GRK5: variants seen among roughly 807,000 people sequenced by gnomAD.
GRK5 encodes the protein G protein-coupled receptor kinase 5.
A neutral mutation model predicts 78.4 loss-of-function variants in GRK5; 40 were observed. The ratio of observed to expected loss-of-function variants is 0.51; its 90% confidence interval spans 0.40 to 0.66. GRK5 has a LOEUF of 0.66. Ranked by LOEUF, GRK5 falls within the 30% of genes least tolerant of loss-of-function variation. The pLI is 0.00. For synonymous variants in GRK5, 289 were observed against 296.8 expected, an observed-to-expected ratio of 0.97 and a Z score of 0.27; for missense variants, 598 against 759.9, an observed-to-expected ratio of 0.79 and a Z score of 2.50.
At chr10:119,417,053 G>A (rs1196667662) in intron 4 of GRK5, among the ~76,000 whole-genome samples, 1 of 152,222 alleles carries the variant, frequency 6.6e-6, no homozygotes, top group Non-Finnish European at 1.5e-5. Flanking sequence ...GGAGCATAGG[G>A]AAGCAATGGC....
chr10:119,306,371 C>T (rs1850272203), intron 1 of GRK5, among the ~76,000 whole-genome samples: 1 of 152,182 alleles, frequency 6.6e-6, no homozygotes, highest in African/African-American at 2.4e-5. Flanking sequence ...GAGCAAGCTT[C>T]CTGTGTGCTT....
At chr10:119,216,922 G>A (rs759861806) in intron 1 of GRK5, among the ~76,000 whole-genome samples, 10 of 151,956 alleles carry the variant, frequency 6.6e-5, no homozygotes, top group South Asian at 2.1e-4. Context: ...GCGAAACTCC[G>A]TCTAAAAGGT....
chr10:119,393,613 C>T (rs1851922355), intron 3 of GRK5, among the ~76,000 whole-genome samples: 1 of 152,230 alleles, frequency 6.6e-6, no homozygotes, highest in Non-Finnish European at 1.5e-5. Flanking sequence ...GGACCAACGG[C>T]GGGCTGTCCA....
At chr10:119,358,897 C>T (rs947677960) in intron 2 of GRK5, among the ~76,000 whole-genome samples, 2 of 152,096 alleles carry the variant, frequency 1.3e-5, no homozygotes, top group Admixed American at 6.5e-5. Context: ...TGTCCTTGCC[C>T]GGCCTTTCCT....
At chr10:119,262,474 G>T (rs1274013260) in intron 1 of GRK5, among the ~76,000 whole-genome samples, 1 of 151,534 alleles carries the variant, frequency 6.6e-6, no homozygotes, top group Non-Finnish European at 1.5e-5. Context: ...GAGTAGCTGG[G>T]ACTACAGGTG....
At chr10:119,244,489 C>A (rs1320872417) in intron 1 of GRK5, among the ~76,000 whole-genome samples, 1 of 152,220 alleles carries the variant, frequency 6.6e-6, no homozygotes, top group African/African-American at 2.4e-5. Flanking sequence ...AAAAGATGCT[C>A]AATATCACTA....
intron 1 of GRK5, among the ~76,000 whole-genome samples, chr10:119,297,522 A>G (rs1589729001): frequency 1.3e-5 from 2 of 152,230 alleles, no homozygotes; most frequent in East Asian, 3.8e-4. Flanking sequence ...TGTGATTGCC[A>G]TTGCGATGAT....
At chr10:119,427,244 T>C (rs1852704397) in intron 6 of GRK5, among the ~76,000 whole-genome samples, 1 of 49,884 alleles carries the variant, frequency 2.0e-5, no homozygotes, top group Non-Finnish European at 4.0e-5. Context: ...ACCACCATCA[T>C]CAGCATCATC....
chr10:119,455,852 C>T lies in GRK5; in HGVS notation c.*785C>T, dbSNP rs931133024. 4 of 154,734 alleles carry T rather than the reference C, an allele frequency of 2.6e-5. No individual in the cohort carries two copies. Among genetic ancestry groups the T allele is most frequent in the African/African-American group, 9.6e-5 (4 of 41,488 alleles). The allele number at this position is 154,734 out of a possible 1,614,324, so 9.6% of individuals were successfully genotyped here. On this transcript the variant is annotated 3_prime_UTR_variant, in exon 16 of 16. Coordinates refer to ENST00000392870, the MANE Select transcript of GRK5 (RefSeq NM_005308.3). ...CCACTGTCGCACCCACCTCTGTCTG[C>T]TCTTCCTTCAGGAAGGCGGCTGGCA...
chr10:119,389,833 C>CA (rs903983800), intron 3 of GRK5, among the ~76,000 whole-genome samples: 2 of 139,488 alleles, frequency 1.4e-5, no homozygotes, highest in African/African-American at 5.3e-5. Context: ...CACACACACA[C>CA]ACACCCAACA....
intron 6 of GRK5, among the ~76,000 whole-genome samples, chr10:119,428,287 A>G (rs1852743411): frequency 6.6e-6 from 1 of 152,220 alleles, no homozygotes; most frequent in Admixed American, 6.5e-5. Flanking sequence ...TTGAAGCCTC[A>G]GCGTTCTCAT....
intron 5 of GRK5, among the ~76,000 whole-genome samples, chr10:119,423,885 G>A (rs1057209826): frequency 6.6e-6 from 1 of 152,110 alleles, no homozygotes; most frequent in African/African-American, 2.4e-5. Context: ...TGATCTTAGG[G>A]GCTTTTTGTG....
chr10:119,320,467 G>A (rs1850565934), intron 1 of GRK5, among the ~76,000 whole-genome samples: 1 of 152,208 alleles, frequency 6.6e-6, no homozygotes, highest in African/African-American at 2.4e-5. Context: ...TGAGAGAATG[G>A]ATCTGTAAGC....
At chr10:119,332,623 T>C (rs1305013372) in intron 2 of GRK5, among the ~76,000 whole-genome samples, 4 of 152,248 alleles carry the variant, frequency 2.6e-5, no homozygotes, top group Non-Finnish European at 5.9e-5. Flanking sequence ...CCCCAGTCCA[T>C]GGACTCTCTA....
intron 1 of GRK5, among the ~76,000 whole-genome samples, chr10:119,209,393 C>G (rs1848444114): frequency 1.3e-5 from 2 of 152,030 alleles, no homozygotes; most frequent in Non-Finnish European, 2.9e-5. Context: ...TAGTCTCCCT[C>G]CCATTGCTTA....
chr10:119,231,415 A>G (rs1848826936), intron 1 of GRK5, among the ~76,000 whole-genome samples: 1 of 152,096 alleles, frequency 6.6e-6, no homozygotes, highest in Admixed American at 6.6e-5. Flanking sequence ...GGCCAATAAA[A>G]AGTGCTGAGG....
At chr10:119,334,511 C>T (rs1404294916) in intron 2 of GRK5, 1 of 152,100 alleles carries the variant, frequency 6.6e-6, no homozygotes, top group Non-Finnish European at 1.5e-5. Flanking sequence ...CATGGGAGAT[C>T]ATTAGAGAGC....
intron 1 of GRK5, among the ~76,000 whole-genome samples, chr10:119,220,804 C>A (rs902074195): frequency 2.0e-5 from 3 of 147,416 alleles, no homozygotes; most frequent in African/African-American, 7.6e-5. Flanking sequence ...CACTGCACTC[C>A]AGCCTGGGTG....
At position 119,392,275 on chromosome 10, in the gene GRK5, A is replaced by G. The variant is rs187178691; in HGVS notation, c.262-4420A>G. Among the ~76,000 whole-genome samples the G allele has an allele frequency of 3.9e-3, 597 of 152,324 alleles. 2 individuals carry two copies. Among genetic ancestry groups the G allele is most frequent in the Non-Finnish European group, 4.1e-3 (280 of 68,028 alleles). ...AGTCTGCATTTTGTGTTAGAGCAGC[A>G]TCTCCCCGCAAAGGCCACCCCTGTG... is the stretch of plus-strand genomic sequence containing the variant. On this transcript the variant is annotated intron_variant, in intron 3 of 15. Transcript: ENST00000392870.
Sources: gnomAD v4.1 joint callset for allele counts (sites outside exome capture counted in the v4.1 genomes callset) on GRCh38, gnomAD v4.1.1 for gene constraint, MANE v1.5 for transcripts, NCBI Gene and HGNC (gene_info 2026-07-23, HGNC 2026-07-21) for gene names.